Variants in ATAD5 observed in about 807,000 individuals in gnomAD.
ATAD5 encodes the protein ATPase family AAA domain-containing protein 5.
In ATAD5, 58 loss-of-function variants were observed where a neutral mutation model predicts 176.9. The ratio of observed to expected loss-of-function variants is 0.33; its 90% CI spans 0.27 to 0.41. ATAD5 has a LOEUF of 0.41. Among genes scored for constraint, ATAD5 ranks in the 10% least tolerant of loss-of-function variants. ATAD5 has a pLI of 1.00. For synonymous variants in ATAD5, 640 were observed against 712.6 expected (o/e 0.90, Z 1.62); for missense variants, 1,789 against 2,094.1 (o/e 0.85, Z 2.84).
In ATAD5 at chr17:30,877,513, C is replaced by T; in HGVS notation, c.3882C>T (p.Ser1294=). The change falls in exon 16 of 23, where the codon AGC becomes AGT. Residue 1294 remains serine, a synonymous_variant. Transcript: ENST00000321990. Reference sequence around the variant, plus strand: ...AAGACGTTGGAGCTGAAGAACCCAGCAGAAAAAATGCAACATCTCTTATTC... The same window carrying T: ...AAGACGTTGGAGCTGAAGAACCCAGTAGAAAAAATGCAACATCTCTTATTC... ...NVKDVGAEEP[S]RKNATSLILF... 6.2e-7 allele frequency: 1 copy of T among 1,610,950 alleles called. No individual in the cohort carries two copies. The highest frequency in any genetic ancestry group is 8.5e-7 in the Non-Finnish European group (1 of 1,178,980).
chr17:30,856,885 G>A (rs775354001), intron 7 of ATAD5, 70 bp from the exon 8 acceptor site: 31 of 1,343,060 alleles, frequency 2.3e-5, no homozygotes, highest in Admixed American at 9.7e-5. Context: ...TCATGTTTAC[G>A]TATTTGACAT....
At chr17:30,854,497 G>T (rs1443918540) in intron 6 of ATAD5, among the ~76,000 whole-genome samples, 11 of 147,994 alleles carry the variant, frequency 7.4e-5, no homozygotes, top group Non-Finnish European at 3.0e-5. Flanking sequence ...TCAGCATCCT[G>T]AGTAGGTGGG....
At chr17:30,873,291 G>A (rs1157179349) in intron 14 of ATAD5, among the ~76,000 whole-genome samples, 1 of 149,226 alleles carries the variant, frequency 6.7e-6, no homozygotes, top group African/African-American at 2.5e-5. Flanking sequence ...CTGCAAGAAG[G>A]TAGTTCTTTT....
chr17:30,866,756 A>C (rs1362635190), intron 11 of ATAD5, among the ~76,000 whole-genome samples: 1 of 152,050 alleles, frequency 6.6e-6, no homozygotes, highest in African/African-American at 2.4e-5. Flanking sequence ...TGAGGATTGC[A>C]GCGAGCCGAG....
Position 30,840,668 on chromosome 17 carries a change from G to C in ATAD5, c.2128G>C (p.Ala710Pro). The change falls in exon 4 of 23, where the codon GCA becomes CCA. Residue 710 changes from alanine (A) to proline (P), a missense_variant. Coordinates refer to ENST00000321990, the MANE Select transcript of ATAD5 (RefSeq NM_024857.5). ...ISKAKQLIEK[A>P]KALHISRSKV... ...AAAAGCAAAACAATTGATTGAAAAA[G>C]CAAAAGCTTTACACATCAGTAGGTC... 1 of 1,588,182 alleles carries C rather than the reference G, an allele frequency of 6.3e-7. No homozygotes were observed. The highest frequency in any genetic ancestry group is 8.6e-7 in the Non-Finnish European group (1 of 1,168,694).
At chr17:30,840,286 T>A (rs991586397) in intron 3 of ATAD5, among the ~76,000 whole-genome samples, 1 of 151,746 alleles carries the variant, frequency 6.6e-6, no homozygotes, top group Non-Finnish European at 1.5e-5. Flanking sequence ...CTAGAGCCAT[T>A]CATATAGTAG....
intron 2 of ATAD5, 96 bp downstream of exon 2, chr17:30,836,144 A>G (rs1703260615): frequency 9.5e-7 from 1 of 1,054,756 alleles, no homozygotes; most frequent in Non-Finnish European, 1.3e-6. Flanking sequence ...TTTTTTTTCT[A>G]GAACACAGCT....
intron 14 of ATAD5, 139 bp downstream of exon 14, chr17:30,869,785 T>C: frequency 1.1e-6 from 1 of 884,026 alleles, no homozygotes; most frequent in South Asian, 1.8e-5. Flanking sequence ...GCCAGATTAT[T>C]TTAAAACAAA....
chr17:30,860,247 C>T (rs943629206), intron 9 of ATAD5, among the ~76,000 whole-genome samples, 186 bp from the exon 10 acceptor site: 7 of 152,274 alleles, frequency 4.6e-5, no homozygotes, highest in South Asian at 2.1e-4. Flanking sequence ...TGGTCTTAAA[C>T]GCGTAGACTC....
intron 3 of ATAD5, among the ~76,000 whole-genome samples, chr17:30,837,697 T>A (rs1190228741): frequency 6.6e-6 from 1 of 152,196 alleles, no homozygotes; most frequent in Non-Finnish European, 1.5e-5. Context: ...AAATGCACGA[T>A]CAAAGCATCA....
chr17:30,887,866 C>G (rs1322547188), intron 19 of ATAD5, among the ~76,000 whole-genome samples: 7 of 152,104 alleles, frequency 4.6e-5, no homozygotes, highest in Non-Finnish European at 7.4e-5. Context: ...GAGTCTCGCA[C>G]TGTTGCCTGG....
intron 2 of ATAD5, among the ~76,000 whole-genome samples, chr17:30,836,967 T>G (rs1597950625): frequency 1.3e-5 from 2 of 152,290 alleles, no homozygotes; most frequent in Admixed American, 1.3e-4. Context: ...GTTGGTTCTT[T>G]GCTGTCTATC....
intron 6 of ATAD5, among the ~76,000 whole-genome samples, chr17:30,845,913 T>G (rs1010145425): frequency 1.3e-5 from 2 of 152,212 alleles, no homozygotes; most frequent in Admixed American, 1.3e-4. Context: ...TAGGATGACA[T>G]GTAAGTTCTA....
At chr17:30,894,810 G>A (rs1363568573) in intron 22 of ATAD5, 25 bp from the exon 23 acceptor site, 1 of 1,568,066 alleles carries the variant, frequency 6.4e-7, no homozygotes, top group Non-Finnish European at 8.6e-7. Context: ...ATATTAAATT[G>A]TATTTTTCTT....
rs1905655389 is a variant in ATAD5 at position 30,835,365 on chromosome 17, C to T, written c.1284C>T (p.Asp428=). The stretch of plus-strand genomic sequence containing the variant: ...AAAAGTCTTCTGATAAGCAGAAAGA[C>T]CTTAATGAAAAATGTCTATATGAAG... ...GVKKSSDKQK[D]LNEKCLYEVG... Residue 428 remains aspartate (D), a synonymous_variant, in exon 2 of 23, where the codon GAC becomes GAT. Coordinates refer to ENST00000321990, the MANE Select transcript of ATAD5 (RefSeq NM_024857.5). The T allele has an allele frequency of 1.2e-6, 2 of 1,611,174 alleles. No individual in the cohort carries two copies. The highest frequency in any genetic ancestry group is 2.7e-5 in the African/African-American group (2 of 74,726).
At chr17:30,885,188 T>A (rs563596012) in intron 18 of ATAD5, among the ~76,000 whole-genome samples, 2 of 152,334 alleles carry the variant, frequency 1.3e-5, no homozygotes, top group Admixed American at 1.3e-4. Context: ...TTCTATTTTT[T>A]AAATTTTTAT....
At position 30,860,578 on chromosome 17, in the gene ATAD5, C is replaced by A; in HGVS notation, c.3102C>A (p.Asn1034Lys). 6.3e-7 allele frequency: 1 copy of A among 1,581,758 alleles called. No individual in the cohort carries two copies. Among genetic ancestry groups the A allele is most frequent in the Non-Finnish European group, 8.5e-7 (1 of 1,172,526 alleles). ...AGTCAGAAGAACTTAGCAAAAGAAA[C>A]AACTCTTCTGGGATAAAGCTAGATT... is the stretch of plus-strand genomic sequence containing the variant. ...NRKSEELSKR[N>K]NSSGIKLDSS... Residue 1034 changes from asparagine (N) to lysine (K), a missense_variant, in exon 10 of 23, where the codon AAC becomes AAA. Coordinates refer to ENST00000321990, the MANE Select transcript of ATAD5 (RefSeq NM_024857.5).
chr17:30,895,835 G>A lies in ATAD5; in HGVS notation c.*922G>A, dbSNP rs1047586126. On this transcript the variant is annotated 3_prime_UTR_variant, in exon 23 of 23. Coordinates refer to ENST00000321990, the MANE Select transcript of ATAD5 (RefSeq NM_024857.5). ...AATTAGTATATTGATCTAATTAAAG[G>A]TTAAAGCTAAAGGCTTTATGAAATG... is the stretch of plus-strand genomic sequence containing the variant. 6.6e-6 allele frequency: 1 copy of A among 152,016 alleles called. No homozygotes were observed. The highest frequency in any genetic ancestry group is 2.1e-4 in the South Asian group (1 of 4,820). The allele number at this position is 152,016 out of a possible 1,614,324, so 9.4% of individuals were successfully genotyped here.
Position 30,892,705 on chromosome 17 carries a change from A to G in ATAD5, c.4357A>G (p.Lys1453Glu). 2 of 1,606,278 alleles carry G rather than the reference A, an allele frequency of 1.2e-6. No homozygotes were observed. The highest frequency in any genetic ancestry group is 1.7e-6 in the Non-Finnish European group (2 of 1,176,598). ...NTKKKRVDLPKCDSGCAETLF... is the reference protein window; with the variant it reads ...NTKKKRVDLPECDSGCAETLF... The stretch of plus-strand genomic sequence containing the variant: ...TAAAAAGAAACGTGTAGACCTTCCA[A>G]AATGTGACAGTGGCTGTGCTGAGAC... The change falls in exon 20 of 23, where the codon AAA (lysine) becomes GAA (glutamate). Residue 1453 changes from lysine to glutamate, a missense_variant. Lys to Glu is a moderately conservative substitution (Grantham distance 56). Coordinates refer to ENST00000321990, the MANE Select transcript of ATAD5 (RefSeq NM_024857.5).
Sources: allele counts gnomAD v4.1 joint callset (sites outside exome capture counted in the v4.1 genomes callset), GRCh38; gene constraint gnomAD v4.1.1; transcripts MANE v1.5; gene names NCBI Gene and HGNC (gene_info 2026-07-23, HGNC 2026-07-21).